UBE2O: variants seen among roughly 807,000 people sequenced by gnomAD.
UBE2O encodes the protein ubiquitin conjugating enzyme E2 O, also known as (E3-independent) E2 ubiquitin-conjugating enzyme.
A neutral mutation model predicts 125.8 loss-of-function variants in UBE2O; 15 were observed. That is an observed-to-expected ratio of 0.12 (90% CI 0.08 to 0.18). The LOEUF (loss-of-function observed/expected upper bound fraction) is 0.18. Ranked by LOEUF, UBE2O falls within the 10% of genes least tolerant of loss-of-function variation. The probability of loss-of-function intolerance (pLI) is 1.00; values close to 1 mark genes in which losing one functional copy is unlikely to be tolerated. For missense variants in UBE2O, 1,280 were observed against 1,723.6 expected, an observed-to-expected ratio of 0.74 and a Z score of 4.56; for synonymous variants, 708 against 703.2, an observed-to-expected ratio of 1.01 and a Z score of -0.11.
chr17:76,403,563 C>T lies in UBE2O; in HGVS notation c.589-864G>A, dbSNP rs915570812. ...TTGGGATTACAGGGGTGAGCCACTG[C>T]GCCCGTGAACTCTGCCTGAACTCAT... On this transcript the variant is annotated intron_variant, in intron 3 of 17. Coordinates refer to ENST00000319380, the MANE Select transcript of UBE2O (RefSeq NM_022066.4). Among the ~76,000 whole-genome samples, 6 of 152,100 alleles carry T rather than the reference C, an allele frequency of 3.9e-5. No individual in the cohort carries two copies. The East Asian group carries it at 7.7e-4, about 20-fold the overall frequency.
At chr17:76,401,885 A>AG in intron 5 of UBE2O, 179 bp downstream of exon 5, 1 of 429,960 alleles carries the variant, frequency 2.3e-6, no homozygotes, top group East Asian at 4.1e-5. Flanking sequence ...AAAAAAAAAA[A>AG]AAAAAAAAAA....
intron 15 of UBE2O, among the ~76,000 whole-genome samples, chr17:76,392,813 C>T (rs1285096137): frequency 2.6e-5 from 4 of 151,936 alleles, no homozygotes; most frequent in African/African-American, 7.3e-5. Context: ...ATTAGCCAGG[C>T]GTGGTGATGC....
At chr17:76,429,474 A>T (rs762187180) in intron 1 of UBE2O, among the ~76,000 whole-genome samples, 1 of 145,002 alleles carries the variant, frequency 6.9e-6, no homozygotes, top group Non-Finnish European at 1.5e-5. Flanking sequence ...CCTGGGAGGC[A>T]GAGGTTGCAG....
intron 1 of UBE2O, among the ~76,000 whole-genome samples, chr17:76,451,852 C>A (rs781312595): frequency 1.3e-5 from 2 of 152,026 alleles, no homozygotes; most frequent in Non-Finnish European, 1.5e-5. Flanking sequence ...ACCAAACCAA[C>A]CCGGGTTCAA....
chr17:76,410,860 G>C lies in UBE2O; in HGVS notation c.418-5288C>G, dbSNP rs890572002. Among the ~76,000 whole-genome samples, 44 of 152,154 alleles carry C rather than the reference G, an allele frequency of 2.9e-4. No individual in the cohort carries two copies. Among genetic ancestry groups the C allele is most frequent in the Non-Finnish European group, 4.6e-4 (31 of 68,020 alleles). On this transcript the variant is annotated intron_variant, in intron 1 of 17. Transcript: ENST00000319380. This position sits in a 1 kb window ranked among gnomAD's most constrained non-coding sequence, Gnocchi z 4.0. Reference sequence around the variant, plus strand: ...CCCAATAACACAGCAAAAGCAACTAGCTCGTCCTGCAGCTCCTGGTCCAGA... The same window carrying C: ...CCCAATAACACAGCAAAAGCAACTACCTCGTCCTGCAGCTCCTGGTCCAGA...
intron 1 of UBE2O, among the ~76,000 whole-genome samples, chr17:76,423,292 T>C (rs1200700374): frequency 2.0e-5 from 3 of 152,208 alleles, no homozygotes; most frequent in African/African-American, 2.4e-5. Context: ...GGTGGGAGGA[T>C]TGCTTAAGCC....
chr17:76,411,182 T>G (rs1036371719), intron 1 of UBE2O, among the ~76,000 whole-genome samples: 2 of 152,142 alleles, frequency 1.3e-5, no homozygotes, highest in African/African-American at 4.8e-5. Flanking sequence ...TGGCTAATTT[T>G]TGTAATTTTT....
chr17:76,398,730 C>A lies in UBE2O; in HGVS notation c.1783+107G>T, dbSNP rs570375790. ...TTCATGAGGGCAGTCCCCTTCTGGACCTCATTTTAGCTCTGACCCCAGATC... is the reference window on the plus strand; with the variant it reads ...TTCATGAGGGCAGTCCCCTTCTGGAACTCATTTTAGCTCTGACCCCAGATC... On this transcript the variant is annotated intron_variant, in intron 10 of 17. Coordinates refer to ENST00000319380, the MANE Select transcript of UBE2O (RefSeq NM_022066.4). The surrounding 1 kb of genome is among the most constrained non-coding windows in gnomAD (Gnocchi z 5.4). 62 of 1,511,192 alleles carry A rather than the reference C, an allele frequency of 4.1e-5. 2 individuals are homozygous for A. The South Asian group carries it at 6.6e-4, about 16-fold the overall frequency. The allele number at this position is 1,511,192 out of a possible 1,614,324, so 93.6% of individuals were successfully genotyped here.
intron 1 of UBE2O, among the ~76,000 whole-genome samples, chr17:76,445,716 A>T (rs1468947180): frequency 6.6e-6 from 1 of 152,260 alleles, no homozygotes; most frequent in Non-Finnish European, 1.5e-5. Context: ...GAGTAGATAA[A>T]TCCAGAGAGT....
Position 76,452,842 on chromosome 17 carries a change from C to A in UBE2O, c.300G>T (p.Gly100=), listed in dbSNP as rs1400291036. 2.7e-6 allele frequency: 4 copies of A among 1,503,998 alleles called. No homozygotes were observed. Among genetic ancestry groups the A allele is most frequent in the Non-Finnish European group, 3.5e-6 (4 of 1,126,828 alleles). 93.2% of individuals were successfully genotyped at this position (1,503,998 alleles called of 1,614,324 possible). Residue 100 remains glycine (G), a synonymous_variant, in exon 1 of 18, where the codon GGG becomes GGT. Coordinates refer to ENST00000319380, the MANE Select transcript of UBE2O (RefSeq NM_022066.4). This position sits in a 1 kb window ranked among gnomAD's most constrained non-coding sequence, Gnocchi z 4.4. ...GGCCCGCGCCCCCGGCCTCGGAGCA[C>A]CCCGAGCTCCCGCGGCCCTCCTCCT... is the stretch of plus-strand genomic sequence containing the variant. ...EGEEEGRGSS[G]CSEAGGAGHE...
Position 76,391,465 on chromosome 17 carries a change from G to C in UBE2O, c.3357C>G (p.Pro1119=). ...VQSMTQLVRR[P]PEVFEQEIRQ... ...TGATCTCCTGCTCAAAGACCTCGGGGGGCCGCCGCACCAGCTGGGTCATGG... is the reference window on the plus strand; with the variant it reads ...TGATCTCCTGCTCAAAGACCTCGGGCGGCCGCCGCACCAGCTGGGTCATGG... Residue 1119 remains proline (P), a synonymous_variant, in exon 18 of 18, where the codon CCC becomes CCG. Transcript: ENST00000319380. The surrounding 1 kb of genome is among the most constrained non-coding windows in gnomAD (Gnocchi z 8.4). 1.2e-6 allele frequency: 2 copies of C among 1,613,890 alleles called. No individual in the cohort carries two copies. The highest frequency in any genetic ancestry group is 1.1e-5 in the South Asian group (1 of 91,088).
intron 1 of UBE2O, among the ~76,000 whole-genome samples, chr17:76,419,891 T>A (rs941652448): frequency 2.0e-5 from 3 of 152,224 alleles, no homozygotes; most frequent in African/African-American, 7.2e-5. Flanking sequence ...GAAAGAAGCA[T>A]GCCGGCAGAA....
intron 1 of UBE2O, among the ~76,000 whole-genome samples, chr17:76,442,915 T>C (rs1954524580): frequency 6.6e-6 from 1 of 152,062 alleles, no homozygotes; most frequent in Non-Finnish European, 1.5e-5. Context: ...GAAAGGGAAA[T>C]GCAGGCACAG....
rs1002951622 is a variant in UBE2O at position 76,398,132 on chromosome 17, G to A, written c.2025+123C>T. 2.9e-6 allele frequency: 4 copies of A among 1,369,012 alleles called. No individual in the cohort carries two copies. In the African/African-American group the frequency reaches 4.3e-5, roughly 15 times the overall value. 84.8% of individuals were successfully genotyped at this position (1,369,012 alleles called of 1,614,324 possible). On this transcript the variant is annotated intron_variant, in intron 12 of 17. Transcript: ENST00000319380. This position sits in a 1 kb window ranked among gnomAD's most constrained non-coding sequence, Gnocchi z 5.4. ...GACTCTGGGGCAGCTGCCCTTCTGA[G>A]GACACTGAGCCCAGAGGACTTTCAG... is the stretch of plus-strand genomic sequence containing the variant.
intron 1 of UBE2O, among the ~76,000 whole-genome samples, chr17:76,411,268 A>T (rs1446531318): frequency 3.9e-5 from 6 of 152,110 alleles, no homozygotes; most frequent in African/African-American, 1.4e-4. Context: ...CTGCCACCAA[A>T]GTGTTGGGAT....
chr17:76,453,042 G>A lies in UBE2O; in HGVS notation c.100C>T (p.Pro34Ser). The A allele has an allele frequency of 7.1e-7, 1 of 1,414,836 alleles. No homozygotes were observed. Among genetic ancestry groups the A allele is most frequent in the Non-Finnish European group, 9.2e-7 (1 of 1,082,378 alleles). 87.6% of individuals were successfully genotyped at this position (1,414,836 alleles called of 1,614,324 possible). The change falls in exon 1 of 18, where the codon CCG (proline) becomes TCG (serine). Residue 34 changes from proline (P) to serine (S), a missense_variant. Coordinates refer to ENST00000319380, the MANE Select transcript of UBE2O (RefSeq NM_022066.4). ...GAGTCCGAGGCGGGCGCCGGCGCCG[G>A]GACGGGGGCTGCGGCTGGGGCCGGG... ...AVPAPAAAPV[P>S]APAPASDSAS...
At position 76,396,024 on chromosome 17, in the gene UBE2O, G is replaced by A. The variant is rs763741898; in HGVS notation, c.2809+104C>T. Reference sequence around the variant, plus strand: ...AATGGTTTGCCCTGGGGCAGTAGCTGGGGTCTGGCGAGGGGACTAACCACC... The same window carrying A: ...AATGGTTTGCCCTGGGGCAGTAGCTAGGGTCTGGCGAGGGGACTAACCACC... On this transcript the variant is annotated intron_variant, in intron 14 of 17. Coordinates refer to ENST00000319380, the MANE Select transcript of UBE2O (RefSeq NM_022066.4). This position sits in a 1 kb window ranked among gnomAD's most constrained non-coding sequence, Gnocchi z 6.7. The A allele has an allele frequency of 5.4e-6, 8 of 1,475,230 alleles. No homozygotes were observed. The highest frequency in any genetic ancestry group is 1.4e-5 in the African/African-American group (1 of 71,446). The allele number at this position is 1,475,230 out of a possible 1,614,324, so 91.4% of individuals were successfully genotyped here.
At position 76,410,290 on chromosome 17, in the gene UBE2O, C is replaced by A. The variant is rs1186072310; in HGVS notation, c.418-4718G>T. The stretch of plus-strand genomic sequence containing the variant: ...GAGAGGGAGCACGGAGGCTGGTTAG[C>A]CCAGTGGTTCTCACCTAGGGGTAAT... On this transcript the variant is annotated intron_variant, in intron 1 of 17. Transcript: ENST00000319380. The surrounding 1 kb of genome is among the most constrained non-coding windows in gnomAD (Gnocchi z 4.0). 6.6e-6 allele frequency among the ~76,000 whole-genome samples: 1 copy of A among 151,938 alleles called. No homozygotes were observed. Among genetic ancestry groups the A allele is most frequent in the South Asian group, 2.1e-4 (1 of 4,812 alleles).
At chr17:76,413,234 G>A (rs1046283198) in intron 1 of UBE2O, among the ~76,000 whole-genome samples, 6 of 152,136 alleles carry the variant, frequency 3.9e-5, no homozygotes, top group Non-Finnish European at 5.9e-5. Context: ...AAGGACCAGT[G>A]ACATTCACCC....
Sources: allele counts gnomAD v4.1 joint callset (sites outside exome capture counted in the v4.1 genomes callset), GRCh38; gene constraint gnomAD v4.1.1; non-coding constraint Gnocchi (gnomAD v3.1); transcripts MANE v1.5; gene names NCBI Gene and HGNC (gene_info 2026-07-23, HGNC 2026-07-21).